Variants in ZRANB3 observed in about 807,000 individuals in gnomAD.
ZRANB3 encodes the protein DNA annealing helicase and endonuclease ZRANB3.
In ZRANB3, 125 loss-of-function variants were observed where a neutral mutation model predicts 133.8. The observed-to-expected ratio is 0.93, with a 90% CI of 0.81 to 1.08. The LOEUF (loss-of-function observed/expected upper bound fraction) is 1.08. Among genes scored for constraint, ZRANB3 ranks in the 50% least tolerant of loss-of-function variants. ZRANB3 has a pLI of 0.00. For missense variants in ZRANB3, 1,229 were observed against 1,275.5 expected, an observed-to-expected ratio of 0.96 and a Z score of 0.56; for synonymous variants, 387 against 432.7, an observed-to-expected ratio of 0.89 and a Z score of 1.31.
At chr2:135,511,883 T>C in intron 1 of ZRANB3, 2 of 763,552 alleles carry the variant, frequency 2.6e-6, no homozygotes, top group Non-Finnish European at 4.9e-6. Flanking sequence ...TTCAGCAGTG[T>C]GTAATGCTGT....
chr2:135,276,536 C>A (rs892279618), intron 8 of ZRANB3, among the ~76,000 whole-genome samples: 3 of 152,022 alleles, frequency 2.0e-5, no homozygotes, highest in Non-Finnish European at 4.4e-5. Flanking sequence ...GAAGCAAATA[C>A]GAATTAAAGA....
chr2:135,393,395 G>T (rs1170011749), intron 2 of ZRANB3, among the ~76,000 whole-genome samples: 1 of 151,318 alleles, frequency 6.6e-6, no homozygotes, highest in African/African-American at 2.4e-5. Context: ...ATTATTGACA[G>T]CTAAATAAAT....
chr2:135,265,292 C>A (rs1033025355), intron 12 of ZRANB3, among the ~76,000 whole-genome samples: 2 of 152,022 alleles, frequency 1.3e-5, no homozygotes, highest in African/African-American at 4.8e-5. Context: ...TAAAGATAGC[C>A]TCCTATATTT....
intron 2 of ZRANB3, among the ~76,000 whole-genome samples, chr2:135,394,097 T>G (rs1378945320): frequency 6.6e-6 from 1 of 152,082 alleles, no homozygotes; most frequent in African/African-American, 2.4e-5. Flanking sequence ...GATCTCATGA[T>G]CTGCCTGCCT....
chr2:135,440,877 G>T (rs1221798546), intron 2 of ZRANB3, among the ~76,000 whole-genome samples: 1 of 152,026 alleles, frequency 6.6e-6, no homozygotes, highest in Non-Finnish European at 1.5e-5. Context: ...AAACTTATGA[G>T]AACAAATAAT....
intron 3 of ZRANB3, among the ~76,000 whole-genome samples, chr2:135,387,228 C>T (rs1419530474): frequency 1.3e-5 from 2 of 151,928 alleles, no homozygotes; most frequent in Non-Finnish European, 2.9e-5. Flanking sequence ...GATGAGTCAA[C>T]AGTCATCACA....
intron 2 of ZRANB3, among the ~76,000 whole-genome samples, chr2:135,472,977 A>G (rs1691342128): frequency 6.6e-6 from 1 of 152,194 alleles, no homozygotes; most frequent in Non-Finnish European, 1.5e-5. Context: ...ATTCATTCCT[A>G]TACCCTAAGA....
At chr2:135,396,133 C>T (rs1195711458) in intron 2 of ZRANB3, among the ~76,000 whole-genome samples, 1 of 152,068 alleles carries the variant, frequency 6.6e-6, no homozygotes, top group African/African-American at 2.4e-5. Context: ...ATCATCTCAC[C>T]CCAGTTAAAA....
chr2:135,403,334 G>A (rs965172583), intron 2 of ZRANB3, among the ~76,000 whole-genome samples: 13 of 152,310 alleles, frequency 8.5e-5, no homozygotes, highest in South Asian at 4.1e-4. Context: ...AGGGTCCTCC[G>A]CCCACAGAGC....
chr2:135,313,872 C>CT (rs894676059), intron 7 of ZRANB3, among the ~76,000 whole-genome samples: 3 of 151,506 alleles, frequency 2.0e-5, no homozygotes, highest in South Asian at 4.2e-4. Flanking sequence ...ATAATTTCTT[C>CT]TTTTTTTTTG....
chr2:135,243,205 C>T (rs370341905), intron 12 of ZRANB3, among the ~76,000 whole-genome samples: 4 of 152,166 alleles, frequency 2.6e-5, no homozygotes, highest in East Asian at 1.9e-4. Flanking sequence ...TTAGCTACCA[C>T]GGAGCTGATC....
chr2:135,385,841 A>C (rs1048447704), intron 3 of ZRANB3, among the ~76,000 whole-genome samples: 9 of 152,344 alleles, frequency 5.9e-5, no homozygotes, highest in South Asian at 4.1e-4. Flanking sequence ...AATTAACTCA[A>C]GATGGATTAA....
chr2:135,483,100 C>T lies in ZRANB3; in HGVS notation c.161+21229G>A, dbSNP rs1364992066. ...TCTCTTTTTTGGCTGTGTCTCTGCCCAGCTTTGGTATCAGAATGATGCTGG... is the reference window on the plus strand; with the variant it reads ...TCTCTTTTTTGGCTGTGTCTCTGCCTAGCTTTGGTATCAGAATGATGCTGG... On this transcript the variant is annotated intron_variant, in intron 2 of 20. Coordinates refer to ENST00000264159, the MANE Select transcript of ZRANB3 (RefSeq NM_032143.4). Among the ~76,000 whole-genome samples, 34 of 152,090 alleles carry T rather than the reference C, an allele frequency of 2.2e-4. No homozygotes were observed. The East Asian group carries it at 5.0e-3, about 22-fold the overall frequency.
At chr2:135,454,633 T>C (rs983924492) in intron 2 of ZRANB3, among the ~76,000 whole-genome samples, 2 of 152,206 alleles carry the variant, frequency 1.3e-5, no homozygotes, top group Admixed American at 1.3e-4. Context: ...TATACCACTC[T>C]GTATGCCTTT....
rs140881146 is a variant in ZRANB3 at position 135,197,730 on chromosome 2, C to T, written c.*2612G>A. The T allele has an allele frequency of 2.6e-5, 4 of 152,410 alleles. No homozygotes were observed. The highest frequency in any genetic ancestry group is 9.6e-5 in the African/African-American group (4 of 41,574). The allele number at this position is 152,410 out of a possible 1,614,324, so 9.4% of individuals were successfully genotyped here. A position where few individuals can be genotyped will look rare whatever the true frequency, so the allele number is the denominator to read the frequency against. ...CACCATGCTCCGGAAGTCCTCCCCA[C>T]CCTACCCCTACCCACAGGCATATTT... is the stretch of plus-strand genomic sequence containing the variant. On this transcript the variant is annotated 3_prime_UTR_variant, in exon 21 of 21. Coordinates refer to ENST00000264159, the MANE Select transcript of ZRANB3 (RefSeq NM_032143.4).
intron 18 of ZRANB3, 129 bp downstream of exon 18, chr2:135,208,739 T>C (rs1693981703): frequency 2.8e-6 from 2 of 707,138 alleles, no homozygotes; most frequent in Non-Finnish European, 4.7e-6. Flanking sequence ...GAAGAGCTAC[T>C]ATCTTGTGAA....
intron 12 of ZRANB3, among the ~76,000 whole-genome samples, chr2:135,251,164 C>T (rs933876474): frequency 6.6e-6 from 1 of 152,242 alleles, no homozygotes; most frequent in African/African-American, 2.4e-5. Flanking sequence ...GACTGCCTCA[C>T]TCGATTTCAG....
chr2:135,414,428 A>G (rs181381769), intron 2 of ZRANB3, among the ~76,000 whole-genome samples: 2 of 152,316 alleles, frequency 1.3e-5, no homozygotes, highest in East Asian at 3.9e-4. Flanking sequence ...TATGCACCCA[A>G]TACAGGAGCA....
At chr2:135,301,095 T>TG (rs1422430800) in intron 8 of ZRANB3, among the ~76,000 whole-genome samples, 1 of 151,962 alleles carries the variant, frequency 6.6e-6, no homozygotes, top group Non-Finnish European at 1.5e-5. Flanking sequence ...ACTGCAGCCT[T>TG]GACCTTCTGG....
Sources: gnomAD v4.1 joint callset for allele counts (sites outside exome capture counted in the v4.1 genomes callset) on GRCh38, gnomAD v4.1.1 for gene constraint, MANE v1.5 for transcripts, NCBI Gene and HGNC (gene_info 2026-07-23, HGNC 2026-07-21) for gene names.